Variants in KIF25 observed in about 807,000 individuals in gnomAD.
KIF25 encodes kinesin family member 25.
Under a neutral mutation model 32.9 loss-of-function variants are expected in KIF25, and 19 were observed. The ratio of observed to expected loss-of-function variants is 0.58; its 90% CI spans 0.40 to 0.85. The LOEUF is 0.85. KIF25 is among the 40% of genes least tolerant of loss of function. KIF25 has a pLI of 0.00. For synonymous variants in KIF25, 225 were observed against 213.7 expected, an observed-to-expected ratio of 1.05 and a Z score of -0.46; for missense variants, 485 against 507.0, an observed-to-expected ratio of 0.96 and a Z score of 0.42.
intron 7 of KIF25, among the ~76,000 whole-genome samples, chr6:168,032,158 G>C (rs781125067): frequency 2.1e-4 from 32 of 152,208 alleles, no homozygotes; most frequent in African/African-American, 7.5e-4. Context: ...GCAGGGTATC[G>C]TGAGGCCTGT....
At chr6:168,042,816 C>T (rs867712817) in intron 12 of KIF25, 100 bp downstream of exon 12, 31 of 1,340,734 alleles carry the variant, frequency 2.3e-5, no homozygotes, top group Non-Finnish European at 2.9e-5. Context: ...CACCCATGCA[C>T]CCCCTGCACC....
At chr6:168,001,751 A>G (rs879135399) in intron 2 of KIF25, among the ~76,000 whole-genome samples, 1 of 56,850 alleles carries the variant, frequency 1.8e-5, no homozygotes, top group Non-Finnish European at 3.3e-5. Flanking sequence ...CTTCAGGCGT[A>G]GCCTCGGGCA....
intron 5 of KIF25, among the ~76,000 whole-genome samples, chr6:168,019,440 C>T (rs1013861904): frequency 6.6e-6 from 1 of 152,034 alleles, no homozygotes; most frequent in Non-Finnish European, 1.5e-5. Flanking sequence ...TATAAAAAGA[C>T]CCAAATAAAA....
chr6:168,024,764 TGGCTGGC>T (rs1288413559), intron 5 of KIF25, among the ~76,000 whole-genome samples: 1 of 151,490 alleles, frequency 6.6e-6, no homozygotes, highest in Non-Finnish European at 1.5e-5. Context: ...AAGACCAGCC[TGGCTGGC>T]TGGGCACGGT....
At chr6:168,001,102 G>T (rs1176300704) in intron 2 of KIF25, among the ~76,000 whole-genome samples, 1 of 152,242 alleles carries the variant, frequency 6.6e-6, no homozygotes, top group Non-Finnish European at 1.5e-5. Context: ...CTTGTCAAAG[G>T]ACTGGAAATT....
At chr6:168,044,772 C>A in intron 12 of KIF25, 55 bp from the exon 13 acceptor site, 3 of 1,501,056 alleles carry the variant, frequency 2.0e-6, no homozygotes, top group Non-Finnish European at 2.7e-6. Flanking sequence ...GGCATGTTGG[C>A]ACTTTCAGAT....
At chr6:168,013,164 C>T (rs1459165803) in intron 4 of KIF25, among the ~76,000 whole-genome samples, 1 of 151,840 alleles carries the variant, frequency 6.6e-6, no homozygotes, top group Non-Finnish European at 1.5e-5. Flanking sequence ...GGTGCCCAGC[C>T]CCTCCTCTGG....
intron 5 of KIF25, among the ~76,000 whole-genome samples, chr6:168,029,138 G>C (rs543852201): frequency 2.0e-5 from 3 of 152,320 alleles, no homozygotes; most frequent in South Asian, 2.1e-4. Context: ...TGCAGGTAAA[G>C]AGTATTGCAG....
intron 4 of KIF25, among the ~76,000 whole-genome samples, chr6:168,016,790 A>AGTTAGGGGATT (rs1798720617): frequency 6.6e-6 from 1 of 152,226 alleles, no homozygotes; most frequent in Non-Finnish European, 1.5e-5. Flanking sequence ...GTTAGGGGAT[A>AGTTAGGGGATT]GCCAGGGCGC....
intron 8 of KIF25, among the ~76,000 whole-genome samples, chr6:168,035,162 G>T (rs1428983037): frequency 6.6e-6 from 1 of 151,942 alleles, no homozygotes; most frequent in Admixed American, 6.5e-5. Flanking sequence ...CCCCCGCCGC[G>T]TCTCTTCTCG....
intron 2 of KIF25, among the ~76,000 whole-genome samples, chr6:168,002,018 G>A (rs1433870026): frequency 3.2e-4 from 42 of 132,694 alleles, no homozygotes; most frequent in African/African-American, 8.7e-4. Context: ...CACCTGAGGC[G>A]TGGCCTCGGG....
At chr6:168,042,275 G>T (rs910957424) in intron 11 of KIF25, 124 bp downstream of exon 11, 5 of 1,046,086 alleles carry the variant, frequency 4.8e-6, no homozygotes, top group African/African-American at 3.2e-5. Context: ...CCCCTCCACA[G>T]GTGAGTTCCA....
intron 5 of KIF25, among the ~76,000 whole-genome samples, chr6:168,028,179 T>A (rs1798891399): frequency 6.6e-6 from 1 of 152,052 alleles, no homozygotes; most frequent in African/African-American, 2.4e-5. Flanking sequence ...ACTTATTTTT[T>A]AAAATATTAA....
chr6:168,030,839 C>T lies in KIF25; in HGVS notation c.159C>T (p.Leu53=), dbSNP rs753197430. 5 of 1,610,886 alleles carry T rather than the reference C, an allele frequency of 3.1e-6. No homozygotes were observed. The East Asian group carries it at 8.9e-5, about 29-fold the overall frequency. Residue 53 remains leucine (L), a synonymous_variant, in exon 7 of 13, where the codon CTC becomes CTT. Transcript: ENST00000643607. The part of the protein sequence containing the change: ...FGDVCPLLTS[L]LDGYNVCVMA... ...ATGTGTGCCCCCTACTCACTTCTCTCTTGGATGGGTGAGTTAAAATATTTT... is the reference window on the plus strand; with the variant it reads ...ATGTGTGCCCCCTACTCACTTCTCTTTTGGATGGGTGAGTTAAAATATTTT...
intron 5 of KIF25, among the ~76,000 whole-genome samples, chr6:168,024,802 G>A (rs577194125): frequency 1.3e-5 from 2 of 152,180 alleles, no homozygotes; most frequent in Middle Eastern, 3.4e-3. Context: ...TGTAATCCCA[G>A]CACTTTGGGA....
intron 9 of KIF25, among the ~76,000 whole-genome samples, chr6:168,039,587 C>T (rs745317665): frequency 2.6e-5 from 4 of 152,232 alleles, no homozygotes; most frequent in Admixed American, 6.5e-5. Context: ...AACCCTGATA[C>T]GGTCACACAA....
Position 168,044,958 on chromosome 6 carries a change from C to T in KIF25, c.1117C>T (p.Pro373Ser). 3.1e-6 allele frequency: 5 copies of T among 1,608,928 alleles called. No individual in the cohort carries two copies. Among genetic ancestry groups the T allele is most frequent in the Non-Finnish European group, 4.2e-6 (5 of 1,176,612 alleles). ...GCGAGGCCCTGCCCGAAAGAAGCCGCCCAGCTCCCAAACGGAGGGGAAGAG... is the reference window on the plus strand; with the variant it reads ...GCGAGGCCCTGCCCGAAAGAAGCCGTCCAGCTCCCAAACGGAGGGGAAGAG... ...VQRGPARKKP[P>S]SSQTEGKRRP... Residue 373 changes from proline (P) to serine (S), a missense_variant, in exon 13 of 13, where the codon CCC becomes TCC. Around this residue, in one of 2 missense-constraint regions of KIF25, gnomAD observed 480 missense variants for 470.3 expected, o/e 1.02. Transcript: ENST00000643607.
chr6:168,040,585 G>T (rs2114913559), intron 10 of KIF25, among the ~76,000 whole-genome samples: 1 of 151,914 alleles, frequency 6.6e-6, no homozygotes, highest in Middle Eastern at 3.4e-3. Flanking sequence ...AGAAGAAGAA[G>T]AAGAAGAAAA....
intron 4 of KIF25, among the ~76,000 whole-genome samples, chr6:168,006,774 G>A (rs577505016): frequency 1.7e-5 from 2 of 115,146 alleles, no homozygotes; most frequent in African/African-American, 3.3e-5. Flanking sequence ...TACCATATGC[G>A]GTTCTACAAG....
Sources: gnomAD v4.1 joint callset for allele counts (sites outside exome capture counted in the v4.1 genomes callset) on GRCh38, gnomAD v4.1.1 for gene constraint, gnomAD v4.1.1 regional missense constraint, MANE v1.5 for transcripts, NCBI Gene and HGNC (gene_info 2026-07-23, HGNC 2026-07-21) for gene names.